The following SPMIP11 variants were observed in gnomAD, a reference collection of about 807,000 sequenced individuals.
SPMIP11 encodes the protein long intergenic non-protein coding RNA 935.
At chr12:48,743,107 C>T in the SPMIP11 span, among the ~76,000 whole-genome samples, 26 of 151,082 alleles carry the variant, frequency 1.7e-4, no homozygotes, top group East Asian at 4.9e-3. Context: ...ACTAAAAATA[C>T]AAAAATAAGG....
the SPMIP11 span, among the ~76,000 whole-genome samples, chr12:48,751,930 G>A: frequency 4.6e-5 from 7 of 151,798 alleles, no homozygotes; most frequent in African/African-American, 9.7e-5. Flanking sequence ...AGCCACATGT[G>A]TTAGCGGGTG....
the SPMIP11 span, among the ~76,000 whole-genome samples, chr12:48,737,771 T>C: frequency 6.6e-6 from 1 of 152,000 alleles, no homozygotes; most frequent in African/African-American, 2.4e-5. Flanking sequence ...TTGTCAGCTA[T>C]AAAGTCTCCC....
At chr12:48,747,580 A>G in the SPMIP11 span, among the ~76,000 whole-genome samples, 1 of 152,210 alleles carries the variant, frequency 6.6e-6, no homozygotes, top group Non-Finnish European at 1.5e-5. Context: ...CCATGATCTC[A>G]TAACAAAAGG....
chr12:48,756,779 CT>C, the SPMIP11 span, among the ~76,000 whole-genome samples: 122 of 140,972 alleles, frequency 8.7e-4, no homozygotes, highest in South Asian at 3.8e-3. Context: ...TTCTTTTTTT[CT>C]TTTTTTTTTT....
the SPMIP11 span, among the ~76,000 whole-genome samples, chr12:48,756,418 G>T: frequency 3.7e-3 from 564 of 152,224 alleles, 7 homozygotes; most frequent in African/African-American, 0.012. Flanking sequence ...TTCAAACTGT[G>T]CCCCACTCTG....
the SPMIP11 span, among the ~76,000 whole-genome samples, chr12:48,745,162 T>C: frequency 2.0e-5 from 3 of 150,666 alleles, no homozygotes; most frequent in Admixed American, 6.6e-5. Context: ...TCCCAGCTAC[T>C]TGGGGTTGGG....
At chr12:48,753,790 C>G in the SPMIP11 span, among the ~76,000 whole-genome samples, 1 of 151,190 alleles carries the variant, frequency 6.6e-6, no homozygotes, top group East Asian at 1.9e-4. Context: ...CAACCTCTGC[C>G]CCCCCGGGTT....
chr12:48,732,597 C>T, the SPMIP11 span, among the ~76,000 whole-genome samples: 1 of 151,490 alleles, frequency 6.6e-6, no homozygotes, highest in African/African-American at 2.4e-5. Flanking sequence ...TGGTGAAACC[C>T]CGTCTCTACT....
At chr12:48,742,755 C>T in the SPMIP11 span, among the ~76,000 whole-genome samples, 2 of 151,876 alleles carry the variant, frequency 1.3e-5, no homozygotes, top group Admixed American at 6.6e-5. Flanking sequence ...CATGGTGGCT[C>T]ATGCCTGTAA....
At chr12:48,746,842 A>G in the SPMIP11 span, among the ~76,000 whole-genome samples, 1 of 151,366 alleles carries the variant, frequency 6.6e-6, no homozygotes, top group South Asian at 2.1e-4. Flanking sequence ...AATCACTTGA[A>G]CCCGGGAGGC....
chr12:48,768,219 G>A, the SPMIP11 span: 2 of 339,890 alleles, frequency 5.9e-6, no homozygotes, highest in East Asian at 1.4e-4. Context: ...GCTCAGCCCT[G>A]AACCTGCTGC....
the SPMIP11 span, among the ~76,000 whole-genome samples, chr12:48,745,403 G>C: frequency 6.6e-6 from 1 of 151,894 alleles, no homozygotes; most frequent in Non-Finnish European, 1.5e-5. Context: ...TCAGGAGTTC[G>C]AGACCAGCCT....
At chr12:48,765,767 C>CA in the SPMIP11 span, 1 of 679,958 alleles carries the variant, frequency 1.5e-6, no homozygotes, top group Non-Finnish European at 2.7e-6. Context: ...ATGGAGAAAG[C>CA]ACAGTAAACA....
the SPMIP11 span, among the ~76,000 whole-genome samples, chr12:48,740,390 A>G: frequency 6.6e-6 from 1 of 152,042 alleles, no homozygotes; most frequent in African/African-American, 2.4e-5. Flanking sequence ...ACAACTCACC[A>G]TGTAGGTATC....
At chr12:48,749,333 G>C in the SPMIP11 span, among the ~76,000 whole-genome samples, 8 of 149,266 alleles carry the variant, frequency 5.4e-5, no homozygotes, top group East Asian at 1.6e-3. Flanking sequence ...GTAGACATAA[G>C]AGTTGTCTGT....
At chr12:48,765,065 GATT>G in the SPMIP11 span, 3 of 646,378 alleles carry the variant, frequency 4.6e-6, no homozygotes, top group Non-Finnish European at 8.5e-6. Flanking sequence ...AATTCTTAGA[GATT>G]ATTTCATCTC....
the SPMIP11 span, among the ~76,000 whole-genome samples, chr12:48,740,973 G>C: frequency 4.6e-5 from 7 of 151,966 alleles, no homozygotes; most frequent in East Asian, 1.4e-3. Flanking sequence ...TTCCTTCCAG[G>C]ATCCAGTTAA....
At chr12:48,762,418 AGTGCAATG>A in the SPMIP11 span, among the ~76,000 whole-genome samples, 1 of 111,868 alleles carries the variant, frequency 8.9e-6, no homozygotes, top group Non-Finnish European at 1.7e-5. Context: ...CCCAGGCTGG[AGTGCAATG>A]GTGCGATCTC....
the SPMIP11 span, chr12:48,771,345 A>G: frequency 4.1e-6 from 2 of 482,144 alleles, no homozygotes; most frequent in Admixed American, 6.7e-5. This position sits in a 1 kb window ranked among gnomAD's most constrained non-coding sequence, Gnocchi z 4.3. Context: ...ACACTACCTC[A>G]CATTTTGCTT....
Sources: allele counts gnomAD v4.1 joint callset (sites outside exome capture counted in the v4.1 genomes callset), GRCh38; gene constraint gnomAD v4.1.1; non-coding constraint Gnocchi (gnomAD v3.1); transcripts MANE v1.5; gene names NCBI Gene and HGNC (gene_info 2026-07-23, HGNC 2026-07-21).